The following BCS1L variants were observed in gnomAD, a reference collection of about 807,000 sequenced individuals.
BCS1L encodes the protein BCS1 ubiquinol-cytochrome c reductase complex chaperone.
BCS1L carries 38 observed loss-of-function variants against 49.3 expected under a neutral mutation model. The observed-to-expected ratio is 0.77, with a 90% CI of 0.59 to 1.01. BCS1L has a LOEUF of 1.01. Among genes scored for constraint, BCS1L ranks in the 50% least tolerant of loss-of-function variants. The pLI, the probability that BCS1L is intolerant of heterozygous loss-of-function variation, is 0.00. For missense variants in BCS1L, 394 were observed against 540.2 expected, an observed-to-expected ratio of 0.73 and a Z score of 2.68; for synonymous variants, 193 against 210.1, an observed-to-expected ratio of 0.92 and a Z score of 0.70.
At position 218,662,918 on chromosome 2, in the gene BCS1L, T is replaced by C. The variant is rs141618813; in HGVS notation, c.925T>C (p.Phe309Leu). 100 of 1,614,128 alleles carry C rather than the reference T, an allele frequency of 6.2e-5. No homozygotes were observed. In the Middle Eastern group the frequency reaches 6.6e-4, roughly 11 times the overall value. ...GTACCAAGGCCTAGGTCGCCTCACC[T>C]TCAGTGGACTGCTCAATGCCTTGGA... is the stretch of plus-strand genomic sequence containing the variant. ...VKYQGLGRLTFSGLLNALDGV... is the reference protein window; with the variant it reads ...VKYQGLGRLTLSGLLNALDGV... Residue 309 changes from phenylalanine to leucine, a missense_variant, in exon 7 of 8, where the codon TTC becomes CTC. Physicochemically the swap from Phe to Leu is conservative, Grantham distance 22. Transcript: ENST00000359273. This position sits in a 1 kb window ranked among gnomAD's most constrained non-coding sequence, Gnocchi z 5.8.
rs201640121 is a variant in BCS1L at position 218,663,260 on chromosome 2, G to A, written c.1134G>A (p.Glu378=). The A allele has an allele frequency of 1.2e-6, 2 of 1,614,222 alleles. No individual in the cohort carries two copies. The highest frequency in any genetic ancestry group is 1.7e-6 in the Non-Finnish European group (2 of 1,180,030). The change falls in exon 8 of 8, where the codon GAG becomes GAA. Residue 378 remains glutamate (E), a synonymous_variant. Coordinates refer to ENST00000359273, the MANE Select transcript of BCS1L (RefSeq NM_001079866.2). ...CAGGGCAGGCACCTTCCTTAGCTGA[G>A]AACTTTGCAGAACATGTCCTTCGAG... The part of the protein sequence containing the change: ...FYPGQAPSLA[E]NFAEHVLRAT...
rs2106330702 is a variant in BCS1L at position 218,662,890 on chromosome 2, A to G, written c.897A>G (p.Val299=). 6.2e-7 allele frequency: 1 copy of G among 1,614,002 alleles called. No homozygotes were observed. The highest frequency in any genetic ancestry group is 1.6e-4 in the Middle Eastern group (1 of 6,062). ...ATCTTTGCCTTCCTCCAGACCCAGT[A>G]AAGTACCAAGGCCTAGGTCGCCTCA... ...LSRDLAVENP[V]KYQGLGRLTF... The change falls in exon 7 of 8, where the codon GTA becomes GTG. Residue 299 remains valine, a synonymous_variant. Coordinates refer to ENST00000359273, the MANE Select transcript of BCS1L (RefSeq NM_001079866.2). The surrounding 1 kb of genome is among the most constrained non-coding windows in gnomAD (Gnocchi z 5.8).
chr2:218,661,417 A>G lies in BCS1L; in HGVS notation c.332A>G (p.Lys111Arg). Residue 111 changes from lysine to arginine, a missense_variant, in exon 3 of 8, where the codon AAA becomes AGA. By Grantham distance (26) the Lys-to-Arg change is conservative. Transcript: ENST00000359273. This position sits in a 1 kb window ranked among gnomAD's most constrained non-coding sequence, Gnocchi z 5.9. ...PGNHFIWYRG[K>R]WIRVERSREM... is the part of the protein sequence containing the mutation. The stretch of plus-strand genomic sequence containing the variant: ...TCGTTCTTATTCAGGTATCGGGGGA[A>G]ATGGATTCGGGTAGAACGAAGTCGA... 1 of 1,614,252 alleles carries G rather than the reference A, an allele frequency of 6.2e-7. No individual in the cohort carries two copies. Among genetic ancestry groups the G allele is most frequent in the Non-Finnish European group, 8.5e-7 (1 of 1,180,052 alleles).
chr2:218,662,773 A>G lies in BCS1L; in HGVS notation c.889+94A>G. Reference sequence around the variant, plus strand: ...AGGGCTGGTGGAAGATGCCTGGGTTAGTGACAAGAGCCCACAAGACACATG... The same window carrying G: ...AGGGCTGGTGGAAGATGCCTGGGTTGGTGACAAGAGCCCACAAGACACATG... On this transcript the variant is annotated intron_variant, in intron 6 of 7. Coordinates refer to ENST00000359273, the MANE Select transcript of BCS1L (RefSeq NM_001079866.2). The surrounding 1 kb of genome is among the most constrained non-coding windows in gnomAD (Gnocchi z 5.8). 3 of 1,599,100 alleles carry G rather than the reference A, an allele frequency of 1.9e-6. No homozygotes were observed. The South Asian group carries it at 3.3e-5, about 18-fold the overall frequency.
At chr2:218,660,597 C>A in intron 1 of BCS1L, 1 of 237,036 alleles carries the variant, frequency 4.2e-6, no homozygotes, top group Non-Finnish European at 8.4e-6. Context: ...ACGCTTCTCC[C>A]TTGCTGACTG....
Position 218,661,421 on chromosome 2 carries a change from G to A in BCS1L, c.336G>A (p.Trp112Ter), listed in dbSNP as rs754934987. The change falls in exon 3 of 8, where the codon TGG (tryptophan) becomes TGA (stop). Residue 112 changes from tryptophan to a stop codon, truncating the protein, a stop_gained. Transcript: ENST00000359273. LOFTEE classifies it high-confidence loss of function. This position sits in a 1 kb window ranked among gnomAD's most constrained non-coding sequence, Gnocchi z 5.9. ...TCTTATTCAGGTATCGGGGGAAATG[G>A]ATTCGGGTAGAACGAAGTCGAGAGA... Reference protein sequence around the residue: ...GNHFIWYRGKWIRVERSREMQ... With the variant: ...GNHFIWYRGK 2.5e-6 allele frequency: 4 copies of A among 1,614,126 alleles called. No individual in the cohort carries two copies. The African/African-American group carries it at 5.3e-5, about 22-fold the overall frequency.
chr2:218,662,352 A>T lies in BCS1L; in HGVS notation c.719+92A>T, dbSNP rs1041596179. On this transcript the variant is annotated intron_variant, in intron 5 of 7. Coordinates refer to ENST00000359273, the MANE Select transcript of BCS1L (RefSeq NM_001079866.2). The surrounding 1 kb of genome is among the most constrained non-coding windows in gnomAD (Gnocchi z 5.8). ...GTTGGAAGGGGAAATGAATCTGGGG[A>T]TCGGGGACCAGGATAAACATGAAAC... 1.3e-6 allele frequency: 2 copies of T among 1,507,202 alleles called. No individual in the cohort carries two copies. Among genetic ancestry groups the T allele is most frequent in the Non-Finnish European group, 1.8e-6 (2 of 1,084,540 alleles). 93.4% of individuals were successfully genotyped at this position (1,507,202 alleles called of 1,614,324 possible). A position where few individuals can be genotyped will look rare whatever the true frequency, so the allele number is the denominator to read the frequency against.
chr2:218,662,129 G>C lies in BCS1L; in HGVS notation c.656-68G>C, dbSNP rs920057010. 20 of 1,549,538 alleles carry C rather than the reference G, an allele frequency of 1.3e-5. No individual in the cohort carries two copies. The highest frequency in any genetic ancestry group is 1.7e-5 in the Admixed American group (1 of 59,898). ...CGTACCAAGGTTATCAGGCTTCCAG[G>C]GGGCAGGGCTGGGAATGAACGTAGA... is the stretch of plus-strand genomic sequence containing the variant. On this transcript the variant is annotated intron_variant, in intron 4 of 7. Coordinates refer to ENST00000359273, the MANE Select transcript of BCS1L (RefSeq NM_001079866.2). This position sits in a 1 kb window ranked among gnomAD's most constrained non-coding sequence, Gnocchi z 5.8.
Position 218,663,118 on chromosome 2 carries a change from C to T in BCS1L, c.1008-16C>T. The T allele has an allele frequency of 6.2e-7, 1 of 1,614,200 alleles. No homozygotes were observed. Among genetic ancestry groups the T allele is most frequent in the East Asian group, 2.2e-5 (1 of 44,872 alleles). On this transcript the variant is annotated splice_polypyrimidine_tract_variant and intron_variant, in intron 7 of 7. Transcript: ENST00000359273. Reference sequence around the variant, plus strand: ...GTTGGGTGCTAGTGTGACCTGCTTTCCCTGTCTTCTCTCAGGCTGGACCCT... The same window carrying T: ...GTTGGGTGCTAGTGTGACCTGCTTTTCCTGTCTTCTCTCAGGCTGGACCCT...
Position 218,662,173 on chromosome 2 carries a change from TG to T in BCS1L, c.656-23del. 6.2e-7 allele frequency: 1 copy of T among 1,611,696 alleles called. No homozygotes were observed. The highest frequency in any genetic ancestry group is 8.5e-7 in the Non-Finnish European group (1 of 1,177,800). On this transcript the variant is annotated intron_variant, in intron 4 of 7. Transcript: ENST00000359273. The surrounding 1 kb of genome is among the most constrained non-coding windows in gnomAD (Gnocchi z 5.8). ...ACGTAGATATCCGGGGCAAAAGACA[TG>T]ATCATCCTGGCTCTATCCCTAGGCA...
intron 1 of BCS1L, chr2:218,660,442 C>T (rs1422782474): frequency 6.2e-6 from 1 of 160,634 alleles, no homozygotes; most frequent in Admixed American, 5.8e-5. Flanking sequence ...ATTAAAATGC[C>T]ATTTCAAGAA....
At position 218,660,962 on chromosome 2, in the gene BCS1L, G is replaced by T. The variant is rs370897164; in HGVS notation, c.-26G>T. 3.7e-6 allele frequency: 6 copies of T among 1,612,352 alleles called. No individual in the cohort carries two copies. Among genetic ancestry groups the T allele is most frequent in the Non-Finnish European group, 5.1e-6 (6 of 1,179,728 alleles). ...AGGTTTTCGTAACACCCCAGGGCCT[G>T]TAAGGTTTGGTGTTTCCCTTTCAAG... On this transcript the variant is annotated 5_prime_UTR_variant, in exon 2 of 8. Coordinates refer to ENST00000359273, the MANE Select transcript of BCS1L (RefSeq NM_001079866.2).
Position 218,662,794 on chromosome 2 carries a change from A to G in BCS1L, c.890-89A>G. 1 of 1,585,458 alleles carries G rather than the reference A, an allele frequency of 6.3e-7. No individual in the cohort carries two copies. Among genetic ancestry groups the G allele is most frequent in the South Asian group, 1.1e-5 (1 of 90,238 alleles). ...GGTTAGTGACAAGAGCCCACAAGAC[A>G]CATGGATAAGTAGGGGAACATAGTG... is the stretch of plus-strand genomic sequence containing the variant. On this transcript the variant is annotated intron_variant, in intron 6 of 7. Transcript: ENST00000359273. This position sits in a 1 kb window ranked among gnomAD's most constrained non-coding sequence, Gnocchi z 5.8.
rs770698586 is a variant in BCS1L, at chr2:218,661,747, TCTC to T, written c.461-9_461-7del. On this transcript the variant is annotated splice_polypyrimidine_tract_variant and intron_variant, in intron 3 of 7. Transcript: ENST00000359273. The surrounding 1 kb of genome is among the most constrained non-coding windows in gnomAD (Gnocchi z 5.9). ...GAGAATTATTGGCTTTATCTCATCTTCTCCTTCCCAGCTCGAGAGCTAGCCTTG... is the reference window on the plus strand; with the variant it reads ...GAGAATTATTGGCTTTATCTCATCTTCTTCCCAGCTCGAGAGCTAGCCTTG... The T allele has an allele frequency of 7.0e-5, 113 of 1,608,162 alleles. 1 individual carries two copies. The highest frequency in any genetic ancestry group is 1.7e-4 in the African/African-American group (13 of 74,790).
Position 218,662,784 on chromosome 2 carries a change from C to T in BCS1L, c.890-99C>T. 1.0e-5 allele frequency: 16 copies of T among 1,589,404 alleles called. No individual in the cohort carries two copies. The highest frequency in any genetic ancestry group is 1.3e-5 in the Non-Finnish European group (15 of 1,158,176). On this transcript the variant is annotated intron_variant, in intron 6 of 7. Transcript: ENST00000359273. The surrounding 1 kb of genome is among the most constrained non-coding windows in gnomAD (Gnocchi z 5.8). The stretch of plus-strand genomic sequence containing the variant: ...AAGATGCCTGGGTTAGTGACAAGAG[C>T]CCACAAGACACATGGATAAGTAGGG...
At position 218,661,763 on chromosome 2, in the gene BCS1L, A is replaced by G. The variant is rs1575107729; in HGVS notation, c.465A>G (p.Arg155=). The change falls in exon 4 of 8, where the codon CGA becomes CGG. Residue 155 remains arginine, a synonymous_variant. Transcript: ENST00000359273. This position sits in a 1 kb window ranked among gnomAD's most constrained non-coding sequence, Gnocchi z 5.9. ...KVFFNILEEA[R]ELALQQEEGK... ...ATCTCATCTTCTCCTTCCCAGCTCG[A>G]GAGCTAGCCTTGCAGCAGGAGGAAG... The G allele has an allele frequency of 1.9e-6, 3 of 1,609,134 alleles. No individual in the cohort carries two copies. Among genetic ancestry groups the G allele is most frequent in the Non-Finnish European group, 1.7e-6 (2 of 1,175,972 alleles).
chr2:218,661,840 A>G lies in BCS1L; in HGVS notation c.542A>G (p.Tyr181Cys). 6.2e-7 allele frequency: 1 copy of G among 1,614,198 alleles called. No individual in the cohort carries two copies. Among genetic ancestry groups the G allele is most frequent in the Non-Finnish European group, 8.5e-7 (1 of 1,180,036 alleles). The change falls in exon 4 of 8, where the codon TAT becomes TGT. Residue 181 changes from tyrosine (Y) to cysteine (C), a missense_variant. Physicochemically the swap from Tyr to Cys is radical, Grantham distance 194. Transcript: ENST00000359273. This position sits in a 1 kb window ranked among gnomAD's most constrained non-coding sequence, Gnocchi z 5.9. ...GGCTCTGAATGGCGTCCCTTTGGCT[A>G]TCCACGCCGCCGGCGACCACTGAAT... is the stretch of plus-strand genomic sequence containing the variant. Reference protein sequence around the residue: ...AVGSEWRPFGYPRRRRPLNSV... With the variant: ...AVGSEWRPFGCPRRRRPLNSV...
In BCS1L at chr2:218,662,282, C is replaced by A; in HGVS notation, c.719+22C>A. On this transcript the variant is annotated intron_variant, in intron 5 of 7. Coordinates refer to ENST00000359273, the MANE Select transcript of BCS1L (RefSeq NM_001079866.2). The surrounding 1 kb of genome is among the most constrained non-coding windows in gnomAD (Gnocchi z 5.8). ...TTATGTGAGTATTCAAAATTTCTCT[C>A]AACTTGGCAAAACGAAGCCTTTGTG... The A allele has an allele frequency of 6.2e-7, 1 of 1,609,984 alleles. No homozygotes were observed. The highest frequency in any genetic ancestry group is 8.5e-7 in the Non-Finnish European group (1 of 1,176,448).
At position 218,661,188 on chromosome 2, in the gene BCS1L, C is replaced by T. The variant is rs142540289; in HGVS notation, c.201C>T (p.Leu67=). 1.2e-4 allele frequency: 191 copies of T among 1,614,206 alleles called. No homozygotes were observed. The highest frequency in any genetic ancestry group is 9.9e-4 in the Middle Eastern group (6 of 6,062). The change falls in exon 2 of 8, where the codon CTC becomes CTT. Residue 67 remains leucine, a synonymous_variant. Transcript: ENST00000359273. The surrounding 1 kb of genome is among the most constrained non-coding windows in gnomAD (Gnocchi z 5.9). ...DRSYAWLLSW[L]TRHSTRTQHL... is the part of the protein sequence containing the mutation. ...GCTATGCCTGGTTGCTTAGCTGGCT[C>T]ACCCGCCACAGTACCCGTACTCAGC...
Sources: allele counts gnomAD v4.1 joint callset, GRCh38; gene constraint gnomAD v4.1.1; non-coding constraint Gnocchi (gnomAD v3.1); transcripts MANE v1.5; gene names NCBI Gene and HGNC (gene_info 2026-07-23, HGNC 2026-07-21).